SEL1L2: variants seen among roughly 807,000 people sequenced by gnomAD.
SEL1L2 encodes protein sel-1 homolog 2.
Under a neutral mutation model 98.8 loss-of-function variants are expected in SEL1L2, and 89 were observed. That is an observed-to-expected ratio of 0.90 (90% CI 0.76 to 1.07). The LOEUF (loss-of-function observed/expected upper bound fraction) is 1.07, where lower values mean the gene tolerates loss of function less well. SEL1L2 is among the 50% of genes least tolerant of loss of function. The pLI, the probability that SEL1L2 is intolerant of heterozygous loss-of-function variation, is 0.00. For synonymous variants in SEL1L2, 262 were observed against 278.5 expected, an observed-to-expected ratio of 0.94 and a Z score of 0.59; for missense variants, 788 against 812.0, an observed-to-expected ratio of 0.97 and a Z score of 0.36.
intron 9 of SEL1L2, among the ~76,000 whole-genome samples, chr20:13,885,984 C>A (rs1215532191): frequency 6.6e-6 from 1 of 151,848 alleles, no homozygotes; most frequent in Non-Finnish European, 1.5e-5. Context: ...TTGCAGTGAG[C>A]CGAGATTGTG....
At chr20:13,937,033 TCTA>T (rs1388322989) in intron 2 of SEL1L2, among the ~76,000 whole-genome samples, 1 of 152,252 alleles carries the variant, frequency 6.6e-6, no homozygotes, top group African/African-American at 2.4e-5. Flanking sequence ...GCCAAACTCT[TCTA>T]CTCCCTGTTC....
chr20:13,965,157 C>T (rs2050982534), intron 1 of SEL1L2, among the ~76,000 whole-genome samples: 1 of 151,848 alleles, frequency 6.6e-6, no homozygotes, highest in Admixed American at 6.6e-5. Context: ...CATAGGCTGC[C>T]ACTTAAGAAG....
At chr20:13,926,903 T>A (rs912361508) in intron 3 of SEL1L2, among the ~76,000 whole-genome samples, 34 of 152,254 alleles carry the variant, frequency 2.2e-4, no homozygotes, top group African/African-American at 8.2e-4. Context: ...AAATTAATGA[T>A]GATTAATTCT....
intron 1 of SEL1L2, among the ~76,000 whole-genome samples, chr20:13,979,341 GGTACT>G (rs2051697863): frequency 6.6e-6 from 1 of 152,080 alleles, no homozygotes; most frequent in South Asian, 2.1e-4. Context: ...AGTGTTCTAT[GGTACT>G]ATAGGATAAA....
At chr20:13,984,108 T>G (rs1233446558) in intron 1 of SEL1L2, among the ~76,000 whole-genome samples, 1 of 151,928 alleles carries the variant, frequency 6.6e-6, no homozygotes, top group Non-Finnish European at 1.5e-5. Flanking sequence ...GCCTCCTGGG[T>G]TCATGTGATT....
At chr20:13,968,448 G>A (rs2148498332) in intron 1 of SEL1L2, among the ~76,000 whole-genome samples, 1 of 152,336 alleles carries the variant, frequency 6.6e-6, no homozygotes, top group African/African-American at 2.4e-5. Flanking sequence ...TTCTTCATTA[G>A]GTGAGAAATA....
intron 1 of SEL1L2, among the ~76,000 whole-genome samples, chr20:13,983,792 A>T (rs1310277786): frequency 1.3e-5 from 2 of 151,912 alleles, no homozygotes; most frequent in Admixed American, 1.3e-4. Flanking sequence ...AAGTGCTGGG[A>T]TTGTAGGTAT....
chr20:13,917,595 A>G lies in SEL1L2; in HGVS notation c.386+1426T>C, dbSNP rs543340471. The stretch of plus-strand genomic sequence containing the variant: ...CCAGAATCATAGTTGAGTGCTCCTT[A>G]TCCTCTGTATTTTTATACTTCTCAA... On this transcript the variant is annotated intron_variant, in intron 4 of 19. Transcript: ENST00000284951. Among the ~76,000 whole-genome samples, 3 of 152,164 alleles carry G rather than the reference A, an allele frequency of 2.0e-5. No individual in the cohort carries two copies. The South Asian group carries it at 6.2e-4, about 32-fold the overall frequency.
At chr20:13,987,030 A>G (rs2052228911) in intron 1 of SEL1L2, among the ~76,000 whole-genome samples, 1 of 152,014 alleles carries the variant, frequency 6.6e-6, no homozygotes, top group Non-Finnish European at 1.5e-5. Flanking sequence ...ACGGGGTTTC[A>G]CCTTGTTAGC....
chr20:13,863,642 C>T (rs76146572), intron 17 of SEL1L2, among the ~76,000 whole-genome samples: 4,961 of 152,220 alleles, frequency 0.033, 170 homozygotes, highest in South Asian at 0.18. Flanking sequence ...TTTTAGCAGC[C>T]TGACTTTTTT....
At chr20:13,967,999 T>G (rs192522321) in intron 1 of SEL1L2, among the ~76,000 whole-genome samples, 1 of 152,364 alleles carries the variant, frequency 6.6e-6, no homozygotes, top group East Asian at 1.9e-4. Context: ...TATTTGGTAA[T>G]AGGCTAATGG....
intron 10 of SEL1L2, among the ~76,000 whole-genome samples, chr20:13,879,757 G>A (rs963568496): frequency 1.3e-5 from 2 of 152,182 alleles, no homozygotes; most frequent in African/African-American, 2.4e-5. Flanking sequence ...AATCATCCAA[G>A]TGTCAGCTGG....
intron 1 of SEL1L2, among the ~76,000 whole-genome samples, chr20:13,978,823 C>A (rs1488398003): frequency 6.6e-6 from 1 of 152,136 alleles, no homozygotes; most frequent in African/African-American, 2.4e-5. Flanking sequence ...TTGGGAGAGG[C>A]CAAGGCGAGT....
chr20:13,928,321 G>A (rs908243817), intron 3 of SEL1L2: 1 of 152,204 alleles, frequency 6.6e-6, no homozygotes, highest in Admixed American at 6.5e-5. Context: ...AGGCTTCTGT[G>A]TTGCAGGGAG....
intron 10 of SEL1L2, among the ~76,000 whole-genome samples, chr20:13,882,812 C>CTTTTTT (rs759286946): frequency 1.5e-4 from 16 of 107,238 alleles, no homozygotes; most frequent in East Asian, 6.1e-4. Flanking sequence ...GTCAATTTGT[C>CTTTTTT]TTTTTTTTTT....
At chr20:13,952,344 A>G (rs1276197446) in intron 2 of SEL1L2, among the ~76,000 whole-genome samples, 1 of 152,220 alleles carries the variant, frequency 6.6e-6, no homozygotes, top group Non-Finnish European at 1.5e-5. Context: ...ATTCCTGCCA[A>G]TAAAGCCAAG....
intron 2 of SEL1L2, among the ~76,000 whole-genome samples, chr20:13,953,797 C>A (rs1489172752): frequency 6.6e-6 from 1 of 152,152 alleles, no homozygotes; most frequent in East Asian, 1.9e-4. Flanking sequence ...CCTAATTTTT[C>A]ATGGTCGTGT....
At chr20:13,893,177 G>A (rs753413129) in intron 5 of SEL1L2, among the ~76,000 whole-genome samples, 7 of 152,106 alleles carry the variant, frequency 4.6e-5, no homozygotes, top group Non-Finnish European at 7.4e-5. Flanking sequence ...CCTGCCCTGT[G>A]TTTTTGGCCT....
intron 4 of SEL1L2, among the ~76,000 whole-genome samples, chr20:13,915,502 T>C (rs1389662430): frequency 6.6e-6 from 1 of 152,150 alleles, no homozygotes; most frequent in Non-Finnish European, 1.5e-5. Flanking sequence ...TGCAACTCTA[T>C]AGCCTACTGG....
Sources: allele counts gnomAD v4.1 joint callset (sites outside exome capture counted in the v4.1 genomes callset), GRCh38; gene constraint gnomAD v4.1.1; transcripts MANE v1.5; gene names NCBI Gene and HGNC (gene_info 2026-07-23, HGNC 2026-07-21).